The following VSIG8 variants were observed in gnomAD, a reference collection of about 807,000 sequenced individuals.
VSIG8 encodes the protein V-set and immunoglobulin domain containing 8, also known as V-set and immunoglobulin domain-containing protein 8.
In VSIG8, 32 loss-of-function variants were observed where a neutral mutation model predicts 42.6. The ratio of observed to expected loss-of-function variants is 0.75; its 90% CI spans 0.57 to 1.01. The LOEUF is 1.01. Ranked by LOEUF, VSIG8 falls within the 50% of genes least tolerant of loss-of-function variation. The pLI is 0.00. For synonymous variants in VSIG8, 290 were observed against 243.8 expected (o/e 1.19, Z -1.77); for missense variants, 529 against 558.0 (o/e 0.95, Z 0.52).
rs904032108 is a variant in VSIG8, at chr1:159,854,451, C to T, written c.*302G>A. ...TCTGCTTAGGCTGGGGACACCAGGC[C>T]TCCGGCCTCAGCCGCTCTAGGACAC... On this transcript the variant is annotated 3_prime_UTR_variant, in exon 7 of 7. Coordinates refer to ENST00000368100, the MANE Select transcript of VSIG8 (RefSeq NM_001013661.1). 1.2e-5 allele frequency: 5 copies of T among 433,306 alleles called. No homozygotes were observed. The highest frequency in any genetic ancestry group is 1.0e-4 in the African/African-American group (5 of 48,240). 26.8% of individuals were successfully genotyped at this position (433,306 alleles called of 1,614,324 possible). A position where few individuals can be genotyped will look rare whatever the true frequency, so the allele number is the denominator to read the frequency against.
Position 159,854,742 on chromosome 1 carries a change from G to GGC in VSIG8, c.*9_*10dup. 5 of 1,461,734 alleles carry GGC rather than the reference G, an allele frequency of 3.4e-6. No individual in the cohort carries two copies. The highest frequency in any genetic ancestry group is 1.8e-6 in the Non-Finnish European group (2 of 1,115,750). 90.5% of individuals were successfully genotyped at this position (1,461,734 alleles called of 1,614,324 possible). A position where few individuals can be genotyped will look rare whatever the true frequency, so the allele number is the denominator to read the frequency against. On this transcript the variant is annotated 3_prime_UTR_variant, in exon 7 of 7. Transcript: ENST00000368100. Reference sequence around the variant, plus strand: ...TCCTGGCTGGGGCGCAGCCCGGCCCGGCGCGCGCGCTCACACCAAGAGGCC... The same window carrying GGC: ...TCCTGGCTGGGGCGCAGCCCGGCCCGGCGCGCGCGCGCTCACACCAAGAGGCC...
intron 2 of VSIG8, 129 bp downstream of exon 2, chr1:159,858,605 C>G: frequency 9.7e-7 from 1 of 1,032,880 alleles, no homozygotes; most frequent in Non-Finnish European, 1.4e-6. Context: ...GCTCTCATCC[C>G]CATTGCCTCA....
In VSIG8 at chr1:159,857,779, G is replaced by A. The variant is rs1389850392; in HGVS notation, c.618C>T (p.Ser206=). 2 of 1,614,036 alleles carry A rather than the reference G, an allele frequency of 1.2e-6. No homozygotes were observed. The highest frequency in any genetic ancestry group is 2.7e-5 in the African/African-American group (2 of 74,928). The change falls in exon 4 of 7, where the codon TCC becomes TCT. Residue 206 remains serine (S), a synonymous_variant. Transcript: ENST00000368100. ...TGGAGCTGTGGAAGGACTCCTGGTAGGACAGCTCTGAGTGGTAGCTGTGCT... is the reference window on the plus strand; with the variant it reads ...TGGAGCTGTGGAAGGACTCCTGGTAAGACAGCTCTGAGTGGTAGCTGTGCT... ...TSQHSYHSEL[S]YQESFHSSIN...
In VSIG8 at chr1:159,857,893, A is replaced by G. The variant is rs1474903143; in HGVS notation, c.504T>C (p.Tyr168=). 17 of 1,614,136 alleles carry G rather than the reference A, an allele frequency of 1.1e-5. No individual in the cohort carries two copies. Among genetic ancestry groups the G allele is most frequent in the Non-Finnish European group, 1.4e-5 (16 of 1,180,052 alleles). ...AGAGGGGCTGGGAGCCCCCACTGGC[A>G]TAGCACTTCAGCACCACATCGTTGC... ...TYGNDVVLKC[Y]ASGGSQPLSY... is the part of the protein sequence containing the mutation. The change falls in exon 4 of 7, where the codon TAT becomes TAC. Residue 168 remains tyrosine, a synonymous_variant. Transcript: ENST00000368100.
chr1:159,859,190 A>G (rs1648946369), intron 1 of VSIG8, among the ~76,000 whole-genome samples: 1 of 152,182 alleles, frequency 6.6e-6, no homozygotes. Flanking sequence ...ATGTACACGT[A>G]TGTACATTGT....
chr1:159,857,694 G>C (rs745836177), intron 4 of VSIG8, 51 bp downstream of exon 4: 3 of 1,511,692 alleles, frequency 2.0e-6, no homozygotes, highest in Non-Finnish European at 2.7e-6. Context: ...AGGTCCCAGA[G>C]TCCCTGATCT....
rs754443619 is a variant in VSIG8 at position 159,857,913 on chromosome 1, C to T, written c.484G>A (p.Asp162Asn). Residue 162 changes from aspartate (D) to asparagine (N), a missense_variant, in exon 4 of 7, where the codon GAT becomes AAT. Coordinates refer to ENST00000368100, the MANE Select transcript of VSIG8 (RefSeq NM_001013661.1). ...WTEGHMTYGN[D>N]VVLKCYASGG... ...CTGGCATAGCACTTCAGCACCACATCGTTGCCATATGTCATGTGGCCCTCT... is the reference window on the plus strand; with the variant it reads ...CTGGCATAGCACTTCAGCACCACATTGTTGCCATATGTCATGTGGCCCTCT... 127 of 1,614,116 alleles carry T rather than the reference C, an allele frequency of 7.9e-5. 1 individual carries two copies. Among genetic ancestry groups the T allele is most frequent in the Admixed American group, 4.2e-4 (25 of 60,014 alleles).
At position 159,854,519 on chromosome 1, in the gene VSIG8, G is replaced by A. The variant is rs1648728111; in HGVS notation, c.*234C>T. The stretch of plus-strand genomic sequence containing the variant: ...CCCTCTCCCCCAAGCCTTCGGTCCC[G>A]GGGGTGCGGAGAAGGCTCAGGATCG... On this transcript the variant is annotated 3_prime_UTR_variant, in exon 7 of 7. Transcript: ENST00000368100. 22 of 755,584 alleles carry A rather than the reference G, an allele frequency of 2.9e-5. 1 individual carries two copies. Among genetic ancestry groups the A allele is most frequent in the Non-Finnish European group, 4.1e-5 (22 of 541,196 alleles). The allele number at this position is 755,584 out of a possible 1,614,324, so 46.8% of individuals were successfully genotyped here. A position where few individuals can be genotyped will look rare whatever the true frequency, so the allele number is the denominator to read the frequency against.
At chr1:159,856,765 C>A (rs1648843759) in intron 4 of VSIG8, 122 bp from the exon 5 acceptor site, 7 of 1,146,336 alleles carry the variant, frequency 6.1e-6, no homozygotes, top group East Asian at 2.5e-5. Context: ...GTGTGTACAC[C>A]CACACCCACA....
Position 159,854,742 on chromosome 1 carries a change from G to GTC in VSIG8, c.*10_*11insGA. The GTC allele has an allele frequency of 6.8e-7, 1 of 1,461,734 alleles. No homozygotes were observed. Among genetic ancestry groups the GTC allele is most frequent in the Non-Finnish European group, 9.0e-7 (1 of 1,115,750 alleles). The allele number at this position is 1,461,734 out of a possible 1,614,324, so 90.5% of individuals were successfully genotyped here. On this transcript the variant is annotated 3_prime_UTR_variant, in exon 7 of 7. Transcript: ENST00000368100. ...TCCTGGCTGGGGCGCAGCCCGGCCC[G>GTC]GCGCGCGCGCTCACACCAAGAGGCC... is the stretch of plus-strand genomic sequence containing the variant.
intron 4 of VSIG8, 146 bp from the exon 5 acceptor site, chr1:159,856,789 ACT>A: frequency 9.8e-7 from 1 of 1,019,134 alleles, no homozygotes; most frequent in Non-Finnish European, 1.4e-6. Flanking sequence ...ACACACACAC[ACT>A]CCACTCTCCA....
rs1035217306 is a variant in VSIG8 at position 159,854,842 on chromosome 1, G to T, written c.1156C>A (p.Pro386Thr). 9 of 1,486,474 alleles carry T rather than the reference G, an allele frequency of 6.1e-6. No homozygotes were observed. The highest frequency in any genetic ancestry group is 8.0e-6 in the Non-Finnish European group (9 of 1,127,170). 92.1% of individuals were successfully genotyped at this position (1,486,474 alleles called of 1,614,324 possible). A position where few individuals can be genotyped will look rare whatever the true frequency, so the allele number is the denominator to read the frequency against. ...TTGACCTTGACGTAGACCGGGGAGG[G>T]GCCCGCTTCGCAGGCGGCGGCGGCG... Reference protein sequence around the residue: ...CTAAAACEAGPSPVYVKVKSA... With the variant: ...CTAAAACEAGTSPVYVKVKSA... Residue 386 changes from proline to threonine, a missense_variant, in exon 7 of 7, where the codon CCC becomes ACC. Pro to Thr is a conservative substitution (Grantham distance 38). Coordinates refer to ENST00000368100, the MANE Select transcript of VSIG8 (RefSeq NM_001013661.1).
In VSIG8 at chr1:159,858,181, G is replaced by C; in HGVS notation, c.339C>G (p.Leu113=). The C allele has an allele frequency of 1.9e-6, 3 of 1,614,248 alleles. No individual in the cohort carries two copies. Among genetic ancestry groups the C allele is most frequent in the Non-Finnish European group, 2.5e-6 (3 of 1,180,038 alleles). Residue 113 remains leucine, a synonymous_variant, in exon 3 of 7, where the codon CTC becomes CTG. Transcript: ENST00000368100. The part of the protein sequence containing the change: ...DPSQYDASIN[L]MNLQVSDTAT... ...CTGTATCAGATACCTGCAGGTTCATGAGGTTGATGGAGGCATCGTACTGGC... is the reference window on the plus strand; with the variant it reads ...CTGTATCAGATACCTGCAGGTTCATCAGGTTGATGGAGGCATCGTACTGGC...
At chr1:159,856,788 CA>C in intron 4 of VSIG8, 145 bp from the exon 5 acceptor site, 2 of 1,061,120 alleles carry the variant, frequency 1.9e-6, no homozygotes, top group Non-Finnish European at 1.3e-6. Flanking sequence ...CACACACACA[CA>C]CTCCACTCTC....
intron 4 of VSIG8, 121 bp downstream of exon 4, chr1:159,857,624 G>T (rs1271628425): frequency 2.7e-6 from 2 of 749,804 alleles, no homozygotes; most frequent in Non-Finnish European, 4.2e-6. Context: ...CAGAGGGAGG[G>T]TCTCCCACAG....
At chr1:159,855,541 CTTCTTAAATAATAA>C in intron 6 of VSIG8, 1 of 985,252 alleles carries the variant, frequency 1.0e-6, no homozygotes, top group Non-Finnish European at 1.2e-6. Context: ...ATTATTAGCT[CTTCTTAAATAATAA>C]TGTCAGAGTT....
Position 159,862,470 on chromosome 1 carries a change from T to C in VSIG8, c.49+3A>G, listed in dbSNP as rs745810683. On this transcript the variant is annotated splice_donor_region_variant and intron_variant, in intron 1 of 6. Transcript: ENST00000368100. Reference sequence around the variant, plus strand: ...CTACCCTGCCCCCTGCCCAGCCCCGTACCTGGGCTCAGGCACACGAGTAGA... The same window carrying C: ...CTACCCTGCCCCCTGCCCAGCCCCGCACCTGGGCTCAGGCACACGAGTAGA... The C allele has an allele frequency of 1.9e-6, 3 of 1,612,478 alleles. No homozygotes were observed. Among genetic ancestry groups the C allele is most frequent in the Non-Finnish European group, 1.7e-6 (2 of 1,179,010 alleles).
chr1:159,860,951 C>G (rs905242530), intron 1 of VSIG8: 1 of 152,304 alleles, frequency 6.6e-6, no homozygotes, highest in Non-Finnish European at 1.5e-5. Flanking sequence ...GACCAGGGAG[C>G]CTCACCCAGC....
intron 1 of VSIG8, chr1:159,860,933 T>A (rs1649003630): frequency 6.6e-6 from 1 of 152,340 alleles, no homozygotes; most frequent in Admixed American, 6.5e-5. Context: ...GATTCTTCAA[T>A]TGTCCCAGAC....
Sources: allele counts gnomAD v4.1 joint callset (sites outside exome capture counted in the v4.1 genomes callset), GRCh38; gene constraint gnomAD v4.1.1; transcripts MANE v1.5; gene names NCBI Gene and HGNC (gene_info 2026-07-23, HGNC 2026-07-21).